The following PTPDC1 variants were observed in gnomAD, a reference collection of about 807,000 sequenced individuals.
PTPDC1 encodes protein tyrosine phosphatase domain-containing protein 1.
In PTPDC1, 53 loss-of-function variants were observed where a neutral mutation model predicts 75.3. That is an observed-to-expected ratio of 0.70 (90% CI 0.56 to 0.88). The LOEUF is 0.88. Ranked by LOEUF, PTPDC1 falls within the 40% of genes least tolerant of loss-of-function variation. PTPDC1 has a pLI of 0.00. For synonymous variants in PTPDC1, 349 were observed against 366.2 expected, an observed-to-expected ratio of 0.95 and a Z score of 0.54; for missense variants, 925 against 998.6, an observed-to-expected ratio of 0.93 and a Z score of 0.99.
At chr9:94,101,471 G>A in intron 6 of PTPDC1, 95 bp from the exon 7 acceptor site, 1 of 885,426 alleles carries the variant, frequency 1.1e-6, no homozygotes, top group Non-Finnish European at 1.7e-6. Context: ...CACTCTTGTG[G>A]GCAGCGCAAG....
intron 4 of PTPDC1, among the ~76,000 whole-genome samples, chr9:94,092,144 C>G (rs566459704): frequency 1.3e-5 from 2 of 151,632 alleles, no homozygotes. Context: ...TGTGTTTGCT[C>G]CTGCTTTTCT....
At chr9:94,070,884 ATGTACCACAGTG>A (rs1826493377) in intron 2 of PTPDC1, among the ~76,000 whole-genome samples, 1 of 152,134 alleles carries the variant, frequency 6.6e-6, no homozygotes, top group Non-Finnish European at 1.5e-5. Flanking sequence ...CGTGGTATGG[ATGTACCACAGTG>A]TGTTTATCAG....
At chr9:94,104,208 A>T (rs1220221963) in intron 7 of PTPDC1, 67 bp from the exon 8 acceptor site, 4 of 1,015,850 alleles carry the variant, frequency 3.9e-6, no homozygotes, top group Non-Finnish European at 6.0e-6. Context: ...ACTCTACGAT[A>T]GTTTTGAATT....
upstream of PTPDC1, among the ~76,000 whole-genome samples, chr9:94,081,901 A>G (rs2117956768): frequency 6.6e-6 from 1 of 152,382 alleles, no homozygotes; most frequent in Admixed American, 6.5e-5. Flanking sequence ...AAATCTTTCA[A>G]GACAAAGAGA....
chr9:94,050,868 G>A (rs1173886171), intron 1 of PTPDC1, among the ~76,000 whole-genome samples: 4 of 152,212 alleles, frequency 2.6e-5, no homozygotes, highest in South Asian at 2.1e-4. Context: ...CACCCAGTTC[G>A]AGCTTCTCGG....
intron 8 of PTPDC1, among the ~76,000 whole-genome samples, chr9:94,105,336 G>A (rs536477737): frequency 6.6e-6 from 1 of 152,328 alleles, no homozygotes; most frequent in African/African-American, 2.4e-5. Flanking sequence ...AGACTGAGAG[G>A]CTACCCACCA....
upstream of PTPDC1, among the ~76,000 whole-genome samples, chr9:94,080,399 CA>C (rs1353373844): frequency 6.6e-6 from 1 of 152,010 alleles, no homozygotes; most frequent in Non-Finnish European, 1.5e-5. Context: ...CTTGGTTTTC[CA>C]TATGTATATA....
chr9:94,091,255 C>T (rs944689022), intron 4 of PTPDC1, among the ~76,000 whole-genome samples: 1 of 152,076 alleles, frequency 6.6e-6, no homozygotes, highest in East Asian at 1.9e-4. Flanking sequence ...AAATACGTCC[C>T]ATCAATGCCT....
intron 1 of PTPDC1, among the ~76,000 whole-genome samples, chr9:94,061,898 C>T (rs1312612299): frequency 6.6e-6 from 1 of 152,240 alleles, no homozygotes; most frequent in Non-Finnish European, 1.5e-5. Context: ...GCTATCAGCA[C>T]TTGCCTTCCT....
chr9:94,082,520 A>G (rs1447586978), upstream of PTPDC1, among the ~76,000 whole-genome samples: 1 of 152,210 alleles, frequency 6.6e-6, no homozygotes, highest in African/African-American at 2.4e-5. Flanking sequence ...AACTGATTTC[A>G]TATTTGTCAT....
intron 2 of PTPDC1, among the ~76,000 whole-genome samples, chr9:94,074,234 C>T (rs1826603027): frequency 3.9e-5 from 6 of 152,160 alleles, no homozygotes; most frequent in Admixed American, 3.9e-4. Context: ...TGTTCAGCCT[C>T]ACTGACACCA....
intron 1 of PTPDC1, among the ~76,000 whole-genome samples, chr9:94,057,387 TACTA>T (rs1564014348): frequency 2.6e-5 from 4 of 152,290 alleles, no homozygotes; most frequent in South Asian, 2.1e-4. Flanking sequence ...TGCAGCCCAT[TACTA>T]ACTATTAACA....
At chr9:94,094,743 G>C (rs79173276) in intron 4 of PTPDC1, among the ~76,000 whole-genome samples, 1 of 152,238 alleles carries the variant, frequency 6.6e-6, no homozygotes, top group Non-Finnish European at 1.5e-5. Context: ...CGTGGGCGTA[G>C]GACCCTCCGA....
intron 2 of PTPDC1, among the ~76,000 whole-genome samples, chr9:94,070,906 G>A (rs1587869293): frequency 6.6e-6 from 1 of 152,168 alleles, no homozygotes; most frequent in South Asian, 2.1e-4. Context: ...GTGTTTATCA[G>A]TTCATTCACT....
rs759001313 is a variant in PTPDC1, at chr9:94,087,858, C to T, written c.444C>T (p.Ala148=). The T allele has an allele frequency of 1.2e-6, 2 of 1,613,754 alleles. No individual in the cohort carries two copies. The highest frequency in any genetic ancestry group is 1.7e-5 in the Admixed American group (1 of 59,992). ...TCACTGATAATATACTGGCCATGGC[C>T]CGCCCATCCTCTGAGCTCCTGGAGA... ...SWVTDNILAM[A]RPSSELLEKY... is the part of the protein sequence containing the mutation. Residue 148 remains alanine, a synonymous_variant, in exon 3 of 9, where the codon GCC becomes GCT. Transcript: ENST00000620992.
In PTPDC1 at chr9:94,109,564, G is replaced by T. The variant is rs1587921719; in HGVS notation, c.*1620G>T. ...TGGGAAAGAAGGGGAAGAAACAATT[G>T]CATTATATCCAAAGATACACTATAA... On this transcript the variant is annotated 3_prime_UTR_variant, in exon 9 of 9. Coordinates refer to ENST00000620992, the MANE Select transcript of PTPDC1 (RefSeq NM_001253829.2). 3.3e-5 allele frequency: 5 copies of T among 152,262 alleles called. 1 individual carries two copies. Among genetic ancestry groups the T allele is most frequent in the Admixed American group, 3.3e-4 (5 of 15,288 alleles). 9.4% of individuals were successfully genotyped at this position (152,262 alleles called of 1,614,324 possible).
intron 1 of PTPDC1, among the ~76,000 whole-genome samples, chr9:94,055,524 A>C (rs189746517): frequency 1.5e-3 from 223 of 152,330 alleles, no homozygotes; most frequent in Non-Finnish European, 2.0e-3. Flanking sequence ...CTAAAAAGAA[A>C]CAAGCTATTA....
intron 1 of PTPDC1, among the ~76,000 whole-genome samples, chr9:94,057,696 G>A (rs1416849511): frequency 6.6e-6 from 1 of 152,144 alleles, no homozygotes; most frequent in Non-Finnish European, 1.5e-5. Context: ...ACAGAGTCAA[G>A]ACTCAAACAC....
intron 1 of PTPDC1, 84 bp from the exon 2 acceptor site, chr9:94,085,167 T>G: frequency 1.6e-6 from 2 of 1,234,776 alleles, no homozygotes; most frequent in Non-Finnish European, 2.3e-6. Context: ...TCTACCATCC[T>G]GAGATAAAAT....
Sources: gnomAD v4.1 joint callset for allele counts (sites outside exome capture counted in the v4.1 genomes callset) on GRCh38, gnomAD v4.1.1 for gene constraint, MANE v1.5 for transcripts, NCBI Gene and HGNC (gene_info 2026-07-23, HGNC 2026-07-21) for gene names.